CUX1: variants seen among roughly 807,000 people sequenced by gnomAD.
CUX1 encodes cut like homeobox 1, also known as protein CASP.
Under a neutral mutation model 158.8 loss-of-function variants are expected in CUX1, and 31 were observed. That is an observed-to-expected ratio of 0.20 (90% CI 0.15 to 0.26). The LOEUF is 0.26. Ranked by LOEUF, CUX1 falls within the 10% of genes least tolerant of loss-of-function variation. The probability of loss-of-function intolerance (pLI) is 1.00; values close to 1 mark genes in which losing one functional copy is unlikely to be tolerated. For synonymous variants in CUX1, 879 were observed against 862.1 expected, an observed-to-expected ratio of 1.02 and a Z score of -0.34; for missense variants, 1,589 against 2,014.6, an observed-to-expected ratio of 0.79 and a Z score of 4.04.
chr7:102,064,437 T>C (rs1278472636), intron 3 of CUX1, among the ~76,000 whole-genome samples: 1 of 151,966 alleles, frequency 6.6e-6, no homozygotes, highest in East Asian at 1.9e-4. Flanking sequence ...GATTCTCTCT[T>C]CAGCAATTCT....
downstream of CUX1, among the ~76,000 whole-genome samples, chr7:102,261,584 C>T (rs1790404074): frequency 6.6e-6 from 1 of 151,080 alleles, no homozygotes; most frequent in South Asian, 2.1e-4. Flanking sequence ...CAGAGCTTCC[C>T]ATTTGGGGCA....
At chr7:102,135,456 G>A (rs1833796384) in intron 8 of CUX1, among the ~76,000 whole-genome samples, 1 of 151,996 alleles carries the variant, frequency 6.6e-6, no homozygotes, top group Non-Finnish European at 1.5e-5. Flanking sequence ...GGACGTGGAG[G>A]AGGTGGGAGG....
At chr7:101,902,735 G>A (rs10279763) in intron 1 of CUX1, among the ~76,000 whole-genome samples, 31,567 of 152,068 alleles carry the variant, frequency 0.21, 5,015 homozygotes, top group East Asian at 0.84. Flanking sequence ...CAGTGCCATC[G>A]AGCTGGGCAG....
chr7:102,057,819 A>G (rs1346879979), intron 3 of CUX1, among the ~76,000 whole-genome samples: 2 of 152,332 alleles, frequency 1.3e-5, no homozygotes, highest in Admixed American at 1.3e-4. Context: ...TATTCCATAA[A>G]CTGAGTTGAT....
intron 3 of CUX1, among the ~76,000 whole-genome samples, chr7:102,051,042 C>A (rs1585424518): frequency 1.3e-5 from 2 of 152,156 alleles, no homozygotes; most frequent in Admixed American, 1.3e-4. Context: ...TCCCCTTCAG[C>A]ATAAGCTGCC....
chr7:101,949,124 G>C (rs559104058), intron 2 of CUX1, among the ~76,000 whole-genome samples: 3 of 152,132 alleles, frequency 2.0e-5, no homozygotes, highest in African/African-American at 7.2e-5. Flanking sequence ...ACAAACATTG[G>C]TCATTATTAT....
At chr7:102,055,269 G>GT (rs1039404235) in intron 3 of CUX1, among the ~76,000 whole-genome samples, 2 of 151,610 alleles carry the variant, frequency 1.3e-5, no homozygotes, top group South Asian at 2.1e-4. Context: ...AAAGACAAAT[G>GT]TTTTTTTACA....
In CUX1 at chr7:102,257,706, C is replaced by G. The variant is rs934836910; in HGVS notation, c.*8664C>G. On this transcript the variant is annotated 3_prime_UTR_variant, in exon 24 of 24. Coordinates refer to ENST00000292535, the MANE Select transcript of CUX1 (RefSeq NM_181552.4). Reference sequence around the variant, plus strand: ...GGAAAACTCTCTATAAGCTCAGCTCCCCCCACCCCACCCCCACTCTAGCGT... The same window carrying G: ...GGAAAACTCTCTATAAGCTCAGCTCGCCCCACCCCACCCCCACTCTAGCGT... 2 of 985,214 alleles carry G rather than the reference C, an allele frequency of 2.0e-6. No homozygotes were observed. The highest frequency in any genetic ancestry group is 2.4e-6 in the Non-Finnish European group (2 of 829,878). 61.0% of individuals were successfully genotyped at this position (985,214 alleles called of 1,614,324 possible).
intron 21 of CUX1, among the ~76,000 whole-genome samples, chr7:102,229,346 A>C (rs1383645857): frequency 2.1e-5 from 3 of 143,502 alleles, no homozygotes; most frequent in Non-Finnish European, 3.0e-5. Flanking sequence ...TCTGTCGCCC[A>C]GGCTGGAGTG....
chr7:102,245,697 C>T (rs1195963224), intron 23 of CUX1, among the ~76,000 whole-genome samples: 3 of 152,164 alleles, frequency 2.0e-5, no homozygotes, highest in East Asian at 1.9e-4. Flanking sequence ...TGTAGCCAGG[C>T]GTGGTGGCTC....
At chr7:102,273,937 G>A (rs1351907413) in intron 15 of CUX1, among the ~76,000 whole-genome samples, 5 of 152,250 alleles carry the variant, frequency 3.3e-5, no homozygotes, top group African/African-American at 9.6e-5. Flanking sequence ...CCCAGGTCAC[G>A]TGGCAGGCTG....
At chr7:102,247,955 A>G (rs1429548519) in intron 23 of CUX1, among the ~76,000 whole-genome samples, 16 of 152,276 alleles carry the variant, frequency 1.1e-4, no homozygotes, top group Non-Finnish European at 1.5e-4. Context: ...ACATGGTGAA[A>G]CCCCATCTCT....
intron 2 of CUX1, among the ~76,000 whole-genome samples, chr7:101,956,668 T>A (rs1251106342): frequency 6.6e-6 from 1 of 152,234 alleles, no homozygotes; most frequent in African/African-American, 2.4e-5. Context: ...TAAAGCCGCC[T>A]GGGCACAGTG....
Position 102,258,134 on chromosome 7 carries a change from C to T in CUX1, c.*9092C>T, listed in dbSNP as rs1371736226. ...ACTGTACAACGGTCCCTATATAATACGGAGAAGCAATATCACTGTATGAGA... is the reference window on the plus strand; with the variant it reads ...ACTGTACAACGGTCCCTATATAATATGGAGAAGCAATATCACTGTATGAGA... On this transcript the variant is annotated 3_prime_UTR_variant, in exon 24 of 24. Coordinates refer to ENST00000292535, the MANE Select transcript of CUX1 (RefSeq NM_181552.4). 1.0e-6 allele frequency: 1 copy of T among 984,964 alleles called. No individual in the cohort carries two copies. Among genetic ancestry groups the T allele is most frequent in the Non-Finnish European group, 1.2e-6 (1 of 829,622 alleles). 61.0% of individuals were successfully genotyped at this position (984,964 alleles called of 1,614,324 possible).
intron 3 of CUX1, among the ~76,000 whole-genome samples, chr7:102,049,167 G>T (rs1208146385): frequency 6.6e-6 from 1 of 152,214 alleles, no homozygotes; most frequent in East Asian, 1.9e-4. Flanking sequence ...GCCTGCCATG[G>T]TTCACTGATA....
At chr7:102,099,484 T>A (rs1246174566) in intron 5 of CUX1, among the ~76,000 whole-genome samples, 1 of 149,258 alleles carries the variant, frequency 6.7e-6, no homozygotes, top group Non-Finnish European at 1.5e-5. Context: ...GGTTTTTTTT[T>A]TTTTTCCCCT....
chr7:102,051,883 C>T (rs761904360), intron 3 of CUX1, among the ~76,000 whole-genome samples: 1 of 152,082 alleles, frequency 6.6e-6, no homozygotes, highest in Non-Finnish European at 1.5e-5. Context: ...GCAGCCATCA[C>T]CCTAATTCCA....
At chr7:102,216,188 A>G (rs967767389) in intron 20 of CUX1, among the ~76,000 whole-genome samples, 40 of 151,962 alleles carry the variant, frequency 2.6e-4, no homozygotes, top group African/African-American at 9.7e-4. Flanking sequence ...TCTATAATCT[A>G]TAGTCTATAG....
At chr7:101,914,592 C>T (rs1041833230) in intron 1 of CUX1, among the ~76,000 whole-genome samples, 3 of 151,384 alleles carry the variant, frequency 2.0e-5, no homozygotes, top group East Asian at 1.9e-4. Context: ...TCTGCCTCCC[C>T]GGTTCAAGCG....
Sources: gnomAD v4.1 joint callset for allele counts (sites outside exome capture counted in the v4.1 genomes callset) on GRCh38, gnomAD v4.1.1 for gene constraint, MANE v1.5 for transcripts, NCBI Gene and HGNC (gene_info 2026-07-23, HGNC 2026-07-21) for gene names.